ADAM11: variants seen among roughly 807,000 people sequenced by gnomAD.
The protein encoded by ADAM11 is disintegrin and metalloproteinase domain-containing protein 11.
In ADAM11, 49 loss-of-function variants were observed where a neutral mutation model predicts 119.1. The ratio of observed to expected loss-of-function variants is 0.41; its 90% CI spans 0.33 to 0.52. The LOEUF (loss-of-function observed/expected upper bound fraction) is 0.52, where lower values mean the gene tolerates loss of function less well. Among genes scored for constraint, ADAM11 ranks in the 20% least tolerant of loss-of-function variants. The pLI, the probability that ADAM11 is intolerant of heterozygous loss-of-function variation, is 0.20. For synonymous variants in ADAM11, 364 were observed against 408.0 expected (o/e 0.89, Z 1.30); for missense variants, 777 against 1,047.5 (o/e 0.74, Z 3.56).
intron 2 of ADAM11, 102 bp downstream of exon 2, chr17:44,759,999 C>T (rs374377272): frequency 1.7e-6 from 2 of 1,145,716 alleles, no homozygotes; most frequent in South Asian, 4.5e-5. Context: ...GCAGCTGCCC[C>T]GCAGGGTCCC....
chr17:44,779,675 TGCTGGG>T, intron 26 of ADAM11, 58 bp from the exon 27 acceptor site: 1 of 1,556,394 alleles, frequency 6.4e-7, no homozygotes, highest in Admixed American at 2.2e-5. Context: ...TCCGGGGCCC[TGCTGGG>T]GGGCTCTCCC....
chr17:44,775,384 C>G lies in ADAM11; in HGVS notation c.1321-10C>G, dbSNP rs770678569. The G allele has an allele frequency of 3.1e-6, 5 of 1,612,736 alleles. No individual in the cohort carries two copies. The highest frequency in any genetic ancestry group is 3.3e-5 in the Admixed American group (2 of 59,996). ...CCGGGCCAGACTCCCGACCTGTCCT[C>G]CCGGTCCAGCTCCTGGACCCCCCAG... On this transcript the variant is annotated splice_polypyrimidine_tract_variant and intron_variant, in intron 15 of 26. Coordinates refer to ENST00000200557, the MANE Select transcript of ADAM11 (RefSeq NM_002390.6). This position sits in a 1 kb window ranked among gnomAD's most constrained non-coding sequence, Gnocchi z 7.5.
chr17:44,770,135 G>T, intron 4 of ADAM11, 87 bp downstream of exon 4: 5 of 1,487,232 alleles, frequency 3.4e-6, no homozygotes, highest in Non-Finnish European at 4.6e-6. Flanking sequence ...AGGGACAGGT[G>T]GCCACTGGAG....
Position 44,777,651 on chromosome 17 carries a change from G to C in ADAM11, c.1902-44G>C. On this transcript the variant is annotated intron_variant, in intron 22 of 26. Transcript: ENST00000200557. This position sits in a 1 kb window ranked among gnomAD's most constrained non-coding sequence, Gnocchi z 5.1. ...GAGGGGAGGTTGCAGCTGTGCTGGG[G>C]GTTAGGAGACAGGGGGCTGAGGCTG... 1.9e-6 allele frequency: 3 copies of C among 1,613,592 alleles called. No homozygotes were observed. Among genetic ancestry groups the C allele is most frequent in the Non-Finnish European group, 2.5e-6 (3 of 1,179,662 alleles).
intron 4 of ADAM11, among the ~76,000 whole-genome samples, chr17:44,770,497 C>T (rs2337846): frequency 1.3e-5 from 1 of 79,930 alleles, no homozygotes; most frequent in African/African-American, 3.9e-5. Flanking sequence ...CTCCCCCCCC[C>T]CCGCCCCCAC....
At chr17:44,765,994 A>G (rs1206066658) in intron 2 of ADAM11, among the ~76,000 whole-genome samples, 2 of 152,172 alleles carry the variant, frequency 1.3e-5, no homozygotes, top group African/African-American at 4.8e-5. Flanking sequence ...ATACATTTCC[A>G]TTCAACGTGA....
chr17:44,772,672 C>T lies in ADAM11; in HGVS notation c.679-185C>T, dbSNP rs1246679864. Among the ~76,000 whole-genome samples, 1 of 152,166 alleles carries T rather than the reference C, an allele frequency of 6.6e-6. No individual in the cohort carries two copies. The highest frequency in any genetic ancestry group is 2.4e-5 in the African/African-American group (1 of 41,454). On this transcript the variant is annotated intron_variant, in intron 8 of 26. Coordinates refer to ENST00000200557, the MANE Select transcript of ADAM11 (RefSeq NM_002390.6). This position sits in a 1 kb window ranked among gnomAD's most constrained non-coding sequence, Gnocchi z 4.5. ...GCATCTACAGAGGCCCCATCCTGGG[C>T]AAACCGAGGCTGCCTGCCCTCATTC... is the stretch of plus-strand genomic sequence containing the variant.
At position 44,777,039 on chromosome 17, in the gene ADAM11, G is replaced by A. The variant is rs530866121; in HGVS notation, c.1681+77G>A. ...AAGCTGGGGAGAGTGGGTTCCAGCT[G>A]AACAGGCCCCCAAGTGTGTAGCTCC... is the stretch of plus-strand genomic sequence containing the variant. On this transcript the variant is annotated intron_variant, in intron 20 of 26. Transcript: ENST00000200557. The surrounding 1 kb of genome is among the most constrained non-coding windows in gnomAD (Gnocchi z 5.1). 2 of 1,562,386 alleles carry A rather than the reference G, an allele frequency of 1.3e-6. No homozygotes were observed. The highest frequency in any genetic ancestry group is 2.3e-5 in the South Asian group (2 of 85,818).
rs1194262470 is a variant in ADAM11, at chr17:44,781,501, G to C, written c.*1747G>C. ...GCATCTGTCCTCTGGTGGTGCACCC[G>C]TGCACACAGGTACAGTGCATCTGGG... On this transcript the variant is annotated 3_prime_UTR_variant, in exon 27 of 27. Coordinates refer to ENST00000200557, the MANE Select transcript of ADAM11 (RefSeq NM_002390.6). 6.6e-6 allele frequency: 1 copy of C among 152,342 alleles called. No homozygotes were observed. Among genetic ancestry groups the C allele is most frequent in the Admixed American group, 6.5e-5 (1 of 15,290 alleles). The allele number at this position is 152,342 out of a possible 1,614,324, so 9.4% of individuals were successfully genotyped here. A position where few individuals can be genotyped will look rare whatever the true frequency, so the allele number is the denominator to read the frequency against.
At chr17:44,761,936 C>T (rs1335479754) in intron 2 of ADAM11, among the ~76,000 whole-genome samples, 1 of 152,172 alleles carries the variant, frequency 6.6e-6, no homozygotes, top group Non-Finnish European at 1.5e-5. Context: ...AATTCTACTG[C>T]CTCAGCCTCC....
rs1452881130 is a variant in ADAM11, at chr17:44,779,808, G to A, written c.*54G>A. The A allele has an allele frequency of 5.0e-6, 8 of 1,605,062 alleles. No individual in the cohort carries two copies. The highest frequency in any genetic ancestry group is 6.0e-6 in the Non-Finnish European group (7 of 1,172,974). On this transcript the variant is annotated 3_prime_UTR_variant, in exon 27 of 27. Coordinates refer to ENST00000200557, the MANE Select transcript of ADAM11 (RefSeq NM_002390.6). ...ACCCACCGTCTCGGCCCTGAACCAC[G>A]AGGCTGCCCCCATCCAGCCACGGAG...
chr17:44,765,155 G>A (rs1217434235), intron 2 of ADAM11, among the ~76,000 whole-genome samples: 5 of 147,684 alleles, frequency 3.4e-5, no homozygotes, highest in Admixed American at 1.4e-4. Flanking sequence ...TGGGAATCCC[G>A]CTGCCCTCTT....
Position 44,772,331 on chromosome 17 carries a change from C to G in ADAM11, c.608C>G (p.Pro203Arg), listed in dbSNP as rs1253173837. The G allele has an allele frequency of 6.3e-7, 1 of 1,584,090 alleles. No homozygotes were observed. The highest frequency in any genetic ancestry group is 8.6e-7 in the Non-Finnish European group (1 of 1,162,072). The change falls in exon 7 of 27, where the codon CCA becomes CGA. Residue 203 changes from proline to arginine, a missense_variant and splice_region_variant. By Grantham distance (103) the Pro-to-Arg change is moderately radical (BLOSUM62 -2). Around this residue, in one of 4 missense-constraint regions of ADAM11, gnomAD observed 278 missense variants for 310.1 expected, o/e 0.90. Transcript: ENST00000200557. The surrounding 1 kb of genome is among the most constrained non-coding windows in gnomAD (Gnocchi z 4.5). The stretch of plus-strand genomic sequence containing the variant: ...CCAGATCCCCTCGGATGCAGGGAAC[C>G]AGGTAAGGGAGGGAAGGGGGGGTGG... Reference protein sequence around the residue: ...LLPDPLGCREPGCLFAVPAQS... With the variant: ...LLPDPLGCRERGCLFAVPAQS...
Position 44,780,425 on chromosome 17 carries a change from T to G in ADAM11, c.*671T>G, listed in dbSNP as rs549128916. 6.4e-4 allele frequency: 206 copies of G among 320,720 alleles called. No individual in the cohort carries two copies. The highest frequency in any genetic ancestry group is 4.3e-3 in the African/African-American group (195 of 45,132). The allele number at this position is 320,720 out of a possible 1,614,324, so 19.9% of individuals were successfully genotyped here. On this transcript the variant is annotated 3_prime_UTR_variant, in exon 27 of 27. Transcript: ENST00000200557. ...AGCTTGGAGGAAGTATGAGTGCTGATTCAAACCAAAGCTGCCTGTGCCATG... is the reference window on the plus strand; with the variant it reads ...AGCTTGGAGGAAGTATGAGTGCTGAGTCAAACCAAAGCTGCCTGTGCCATG...
Position 44,770,488 on chromosome 17 carries a change from T to TCACCCC in ADAM11, c.381+441_381+442insACCCCC, listed in dbSNP as rs1158996609. On this transcript the variant is annotated intron_variant, in intron 4 of 26. Transcript: ENST00000200557. ...AATGAGTGTCTATAAATAGCCTGTC[T>TCACCCC]CCCCCCCCCCCGCCCCCACTGCCTG... 4.1e-3 allele frequency among the ~76,000 whole-genome samples: 249 copies of TCACCCC among 60,240 alleles called. 14 individuals carry two copies. Among genetic ancestry groups the TCACCCC allele is most frequent in the African/African-American group, 0.013 (241 of 18,800 alleles). The allele number at this position is 60,240 out of a possible 152,430, so 39.5% of individuals were successfully genotyped here.
Position 44,774,352 on chromosome 17 carries a change from C to T in ADAM11, c.1050C>T (p.Ser350=), listed in dbSNP as rs917230492. Residue 350 remains serine, a synonymous_variant, in exon 12 of 27, where the codon TCC becomes TCT. Coordinates refer to ENST00000200557, the MANE Select transcript of ADAM11 (RefSeq NM_002390.6). The part of the protein sequence containing the change: ...SGAAYVGGIC[S]LSHGGGVNEY... ...CAGCCTACGTGGGGGGCATATGCTC[C>T]CTGTCCCACGGCGGGGGTGTGAACG... The T allele has an allele frequency of 6.7e-7, 1 of 1,492,340 alleles. No individual in the cohort carries two copies. The allele number at this position is 1,492,340 out of a possible 1,614,324, so 92.4% of individuals were successfully genotyped here.
At chr17:44,764,488 G>A (rs1009062974) in intron 2 of ADAM11, among the ~76,000 whole-genome samples, 1 of 152,164 alleles carries the variant, frequency 6.6e-6, no homozygotes, top group African/African-American at 2.4e-5. Context: ...CCTGGGTTGG[G>A]GCAGATGGCT....
chr17:44,779,290 C>T (rs750510208), intron 26 of ADAM11, 51 bp downstream of exon 26: 3 of 1,548,334 alleles, frequency 1.9e-6, no homozygotes, highest in African/African-American at 1.4e-5. Flanking sequence ...CGTCATCCCT[C>T]CCGCTGTCCT....
chr17:44,761,882 G>A (rs2049393665), intron 2 of ADAM11, among the ~76,000 whole-genome samples: 1 of 152,128 alleles, frequency 6.6e-6, no homozygotes, highest in Admixed American at 6.5e-5. Flanking sequence ...GAGTGCAATG[G>A]CGTGATCTCT....
Sources: gnomAD v4.1 joint callset for allele counts (sites outside exome capture counted in the v4.1 genomes callset) on GRCh38, gnomAD v4.1.1 for gene constraint, gnomAD v4.1.1 regional missense constraint, Gnocchi (gnomAD v3.1) non-coding constraint, MANE v1.5 for transcripts, NCBI Gene and HGNC (gene_info 2026-07-23, HGNC 2026-07-21) for gene names.